NEK1: variants seen among roughly 807,000 people sequenced by gnomAD.
NEK1 encodes the protein NIMA related kinase 1.
In NEK1, 137 loss-of-function variants were observed where a neutral mutation model predicts 182.1. The ratio of observed to expected loss-of-function variants is 0.75; its 90% CI spans 0.65 to 0.87. The LOEUF is 0.87. Among genes scored for constraint, NEK1 ranks in the 40% least tolerant of loss-of-function variants. NEK1 has a pLI of 0.00. For synonymous variants in NEK1, 513 were observed against 492.2 expected, an observed-to-expected ratio of 1.04 and a Z score of -0.56; for missense variants, 1,391 against 1,494.4, an observed-to-expected ratio of 0.93 and a Z score of 1.14.
chr4:169,599,228 T>C (rs1770072091), intron 4 of NEK1, 31 bp from the exon 5 acceptor site: 1 of 1,474,552 alleles, frequency 6.8e-7, no homozygotes, highest in Non-Finnish European at 9.4e-7. Context: ...AGTCCACTTT[T>C]AAAAACGTAC....
intron 23 of NEK1, among the ~76,000 whole-genome samples, chr4:169,492,090 A>G (rs1012639861): frequency 2.6e-5 from 4 of 152,204 alleles, no homozygotes; most frequent in Middle Eastern, 3.2e-3. Flanking sequence ...AAAGGAACAA[A>G]GGACCAAAAA....
At chr4:169,410,709 T>C (rs1417543275) in intron 31 of NEK1, among the ~76,000 whole-genome samples, 1 of 152,200 alleles carries the variant, frequency 6.6e-6, no homozygotes, top group Non-Finnish European at 1.5e-5. Flanking sequence ...CTTTAACAAA[T>C]CAAAAGACAT....
At chr4:169,429,200 T>C (rs1234757995) in intron 29 of NEK1, among the ~76,000 whole-genome samples, 1 of 152,212 alleles carries the variant, frequency 6.6e-6, no homozygotes, top group Non-Finnish European at 1.5e-5. Flanking sequence ...ATCCCTCAAA[T>C]ATACTAAAGG....
chr4:169,477,607 A>G, intron 24 of NEK1, 110 bp from the exon 25 acceptor site: 1 of 762,422 alleles, frequency 1.3e-6, no homozygotes, highest in Non-Finnish European at 2.1e-6. Flanking sequence ...TGTTCCTTGT[A>G]AATTTTTTAT....
chr4:169,609,055 C>A (rs1418940704), intron 2 of NEK1, among the ~76,000 whole-genome samples: 2 of 118,020 alleles, frequency 1.7e-5, no homozygotes, highest in African/African-American at 8.3e-5. Flanking sequence ...AGCGAGACTC[C>A]TTCTCAAAAA....
intron 6 of NEK1, 105 bp from the exon 7 acceptor site, chr4:169,589,619 G>T: frequency 1.5e-6 from 1 of 687,414 alleles, no homozygotes; most frequent in Non-Finnish European, 2.4e-6. Flanking sequence ...AATTGTGCTA[G>T]AGTAACTGGA....
intron 32 of NEK1, among the ~76,000 whole-genome samples, chr4:169,402,681 C>CA (rs1731891903): frequency 1.3e-5 from 2 of 152,064 alleles, no homozygotes; most frequent in South Asian, 2.1e-4. Context: ...ATTTTATCCA[C>CA]AAAAAATCAC....
rs563976941 is a variant in NEK1, at chr4:169,566,119, C to T, written c.1021-3923G>A. 2.6e-5 allele frequency among the ~76,000 whole-genome samples: 4 copies of T among 152,182 alleles called. 1 individual carries two copies. The East Asian group carries it at 7.7e-4, about 29-fold the overall frequency. ...CATTCTCAAAATTTGTGAACTACAA[C>T]ACCAAACAATTAAGCAATTTAAAAA... is the stretch of plus-strand genomic sequence containing the variant. On this transcript the variant is annotated intron_variant, in intron 12 of 35. Transcript: ENST00000507142.
intron 5 of NEK1, among the ~76,000 whole-genome samples, chr4:169,592,097 A>G (rs752623825): frequency 3.5e-4 from 54 of 152,300 alleles, no homozygotes; most frequent in Non-Finnish European, 5.4e-4. Context: ...TACATACTGT[A>G]TGTCAGAATG....
chr4:169,527,350 G>A lies in NEK1; in HGVS notation c.1665+10459C>T, dbSNP rs78065353. On this transcript the variant is annotated intron_variant, in intron 19 of 35. Coordinates refer to ENST00000507142, the MANE Select transcript of NEK1 (RefSeq NM_001199397.3). ...GGGAAAGGGAAAAAGAAGAAAACTT[G>A]AAACATTAGGAATGAAAGAAAAGTA... 7.2e-4 allele frequency among the ~76,000 whole-genome samples: 110 copies of A among 152,160 alleles called. No homozygotes were observed. The East Asian group carries it at 0.019, about 26-fold the overall frequency.
chr4:169,400,884 GT>G (rs1731556426), intron 33 of NEK1, among the ~76,000 whole-genome samples: 1 of 151,084 alleles, frequency 6.6e-6, no homozygotes, highest in African/African-American at 2.4e-5. Flanking sequence ...AATAAATCAG[GT>G]TGGAATCAAA....
At chr4:169,429,726 C>T (rs1737073920) in intron 29 of NEK1, among the ~76,000 whole-genome samples, 2 of 152,254 alleles carry the variant, frequency 1.3e-5, no homozygotes, top group African/African-American at 2.4e-5. Context: ...GTCATTTTAT[C>T]GATGCCCTGT....
At chr4:169,570,508 G>A (rs1159323152) in intron 12 of NEK1, among the ~76,000 whole-genome samples, 2 of 150,836 alleles carry the variant, frequency 1.3e-5, no homozygotes, top group East Asian at 4.0e-4. Context: ...GGGAGGTGGG[G>A]GGGTCAGCCC....
chr4:169,394,770 C>T (rs577563352), intron 35 of NEK1, among the ~76,000 whole-genome samples: 1 of 152,286 alleles, frequency 6.6e-6, no homozygotes, highest in Non-Finnish European at 1.5e-5. Flanking sequence ...TCCCACAATG[C>T]TTTCCTATGC....
Position 169,585,564 on chromosome 4 carries a change from AT to A in NEK1, c.607-16del. On this transcript the variant is annotated splice_polypyrimidine_tract_variant and intron_variant, in intron 9 of 35. Transcript: ENST00000507142. ...CCAGCTTCAAACTAAATTCCAGAAA[AT>A]AAATAACATATAGGAAACATATATA... is the stretch of plus-strand genomic sequence containing the variant. 2.0e-6 allele frequency: 3 copies of A among 1,530,660 alleles called. No individual in the cohort carries two copies. The highest frequency in any genetic ancestry group is 2.3e-5 in the East Asian group (1 of 44,418). The allele number at this position is 1,530,660 out of a possible 1,614,324, so 94.8% of individuals were successfully genotyped here. A position where few individuals can be genotyped will look rare whatever the true frequency, so the allele number is the denominator to read the frequency against.
chr4:169,416,236 C>T (rs905810129), intron 31 of NEK1, among the ~76,000 whole-genome samples: 3 of 152,286 alleles, frequency 2.0e-5, no homozygotes, highest in African/African-American at 7.2e-5. Context: ...CATGTCTTAT[C>T]CACCATGCGA....
intron 12 of NEK1, among the ~76,000 whole-genome samples, chr4:169,570,652 C>T (rs188798378): frequency 0.012 from 1,894 of 152,050 alleles, 33 homozygotes; most frequent in African/African-American, 0.043. Context: ...CCCCTCTGCC[C>T]GGCCACCACC....
Position 169,562,072 on chromosome 4 carries a change from ATT to A in NEK1, c.1080+63_1080+64del, listed in dbSNP as rs1274059751. The A allele has an allele frequency of 5.4e-6, 7 of 1,296,162 alleles. No individual in the cohort carries two copies. The African/African-American group carries it at 7.6e-5, about 14-fold the overall frequency. The allele number at this position is 1,296,162 out of a possible 1,614,324, so 80.3% of individuals were successfully genotyped here. On this transcript the variant is annotated intron_variant, in intron 13 of 35. Transcript: ENST00000507142. ...AAAGGTTTGGAGGCTTTATAGTAAGATTTTGTTTCTTTTTTAAAATTATGTTT... is the reference window on the plus strand; with the variant it reads ...AAAGGTTTGGAGGCTTTATAGTAAGATTGTTTCTTTTTTAAAATTATGTTT...
chr4:169,504,097 A>G (rs2149679191), intron 23 of NEK1, among the ~76,000 whole-genome samples: 1 of 152,328 alleles, frequency 6.6e-6, no homozygotes, highest in East Asian at 1.9e-4. Flanking sequence ...AAGATGACAT[A>G]CAAATGGCAA....
Sources: gnomAD v4.1 joint callset for allele counts (sites outside exome capture counted in the v4.1 genomes callset) on GRCh38, gnomAD v4.1.1 for gene constraint, MANE v1.5 for transcripts, NCBI Gene and HGNC (gene_info 2026-07-23, HGNC 2026-07-21) for gene names.